Variants in MYBPC2 observed in about 807,000 individuals in gnomAD.
MYBPC2 encodes myosin-binding protein C, fast-type.
Under a neutral mutation model 137.0 loss-of-function variants are expected in MYBPC2, and 122 were observed. That is an observed-to-expected ratio of 0.89 (90% confidence interval 0.77 to 1.03). The LOEUF (loss-of-function observed/expected upper bound fraction) is 1.03, where lower values mean the gene tolerates loss of function less well. MYBPC2 is among the 50% of genes least tolerant of loss of function. The pLI is 0.00. For missense variants in MYBPC2, 1,500 were observed against 1,534.4 expected (o/e 0.98, Z 0.37); for synonymous variants, 626 against 612.3 (o/e 1.02, Z -0.33).
chr19:50,436,500 GC>G, intron 4 of MYBPC2, 116 bp from the exon 5 acceptor site: 2 of 926,940 alleles, frequency 2.2e-6, no homozygotes, highest in East Asian at 2.6e-5. Flanking sequence ...GTCTCCATTG[GC>G]CCCCCTGTGG....
At chr19:50,459,936 A>C (rs2122616804) in intron 23 of MYBPC2, 104 bp from the exon 24 acceptor site, 2 of 1,469,964 alleles carry the variant, frequency 1.4e-6, no homozygotes, top group Non-Finnish European at 1.8e-6. Flanking sequence ...ATGGGGCATA[A>C]GAGAGGTTAG....
chr19:50,461,005 ATTT>A (rs112521100), intron 24 of MYBPC2, among the ~76,000 whole-genome samples: 1 of 127,866 alleles, frequency 7.8e-6, no homozygotes, highest in Non-Finnish European at 1.7e-5. Flanking sequence ...TTTCTTTTAA[ATTT>A]TTTTTTTTTT....
chr19:50,439,683 T>C (rs1015493486), intron 7 of MYBPC2, among the ~76,000 whole-genome samples: 1 of 152,190 alleles, frequency 6.6e-6, no homozygotes, highest in African/African-American at 2.4e-5. Flanking sequence ...TACTAGGTCC[T>C]GGGCTGAGAT....
At position 50,435,483 on chromosome 19, in the gene MYBPC2, G is replaced by T. The variant is rs529885499; in HGVS notation, c.109+233G>T. On this transcript the variant is annotated intron_variant, in intron 2 of 27. Transcript: ENST00000357701. This position sits in a 1 kb window ranked among gnomAD's most constrained non-coding sequence, Gnocchi z 4.8. ...GGTCAGCTGGCTGATTGATCACCAG[G>T]TCCGGCCCCGGTCTCTCTAAACCTC... Among the ~76,000 whole-genome samples the T allele has an allele frequency of 6.6e-6, 1 of 152,274 alleles. No homozygotes were observed. Among genetic ancestry groups the T allele is most frequent in the East Asian group, 1.9e-4 (1 of 5,178 alleles).
At chr19:50,441,622 C>T (rs938713896) in intron 8 of MYBPC2, among the ~76,000 whole-genome samples, 1 of 152,022 alleles carries the variant, frequency 6.6e-6, no homozygotes, top group African/African-American at 2.4e-5. Context: ...CGCAGATCAC[C>T]TGACGTCAGG....
At chr19:50,459,379 G>A in intron 23 of MYBPC2, 73 bp downstream of exon 23, 1 of 909,816 alleles carries the variant, frequency 1.1e-6, no homozygotes, top group Non-Finnish European at 1.6e-6. Context: ...GGAGGTAAGA[G>A]ATGAGGGGTG....
In MYBPC2 at chr19:50,465,696, T is replaced by G. The variant is rs2040009402; in HGVS notation, c.3416-499T>G. Among the ~76,000 whole-genome samples the G allele has an allele frequency of 6.6e-6, 1 of 152,002 alleles. No homozygotes were observed. The highest frequency in any genetic ancestry group is 2.4e-5 in the African/African-American group (1 of 41,402). On this transcript the variant is annotated intron_variant, in intron 27 of 27. Transcript: ENST00000357701. The surrounding 1 kb of genome is among the most constrained non-coding windows in gnomAD (Gnocchi z 4.5). ...GTCTCTACTAAAAATACAAAAAAAT[T>G]TAGCCGGGCCTGGTGGCACATGCCT...
chr19:50,447,453 G>A (rs2039816211), intron 12 of MYBPC2, among the ~76,000 whole-genome samples: 1 of 152,172 alleles, frequency 6.6e-6, no homozygotes, highest in South Asian at 2.1e-4. Flanking sequence ...TTTAGACTGG[G>A]CATGGTGGCT....
rs772681584 is a variant in MYBPC2 at position 50,455,160 on chromosome 19, C to T, written c.2067C>T (p.Asn689=). ...GCTCTCAGCGCTGGATGAAGCTGAA[C>T]TTTGAGGTCTTCACAGAGACCACCT... The part of the protein sequence containing the change: ...KKGSQRWMKL[N]FEVFTETTYE... The change falls in exon 19 of 28, where the codon AAC becomes AAT. Residue 689 remains asparagine, a synonymous_variant. Coordinates refer to ENST00000357701, the MANE Select transcript of MYBPC2 (RefSeq NM_004533.4). 12 of 1,613,756 alleles carry T rather than the reference C, an allele frequency of 7.4e-6. No individual in the cohort carries two copies. Among genetic ancestry groups the T allele is most frequent in the Non-Finnish European group, 1.0e-5 (12 of 1,179,894 alleles).
chr19:50,459,372 G>C, intron 23 of MYBPC2, 66 bp downstream of exon 23: 25 of 1,488,906 alleles, frequency 1.7e-5, no homozygotes, highest in Non-Finnish European at 2.2e-5. Flanking sequence ...TGGGGGAGGA[G>C]GTAAGAGATG....
intron 11 of MYBPC2, among the ~76,000 whole-genome samples, chr19:50,445,266 G>T (rs10406342): frequency 0.087 from 13,163 of 152,076 alleles, 747 homozygotes; most frequent in African/African-American, 0.15. Flanking sequence ...TGAGACCCCA[G>T]GGCTTCCTCT....
chr19:50,456,459 G>A (rs2039915733), intron 20 of MYBPC2, among the ~76,000 whole-genome samples: 1 of 136,166 alleles, frequency 7.3e-6, no homozygotes, highest in Admixed American at 7.9e-5. Flanking sequence ...TTGAGACAGA[G>A]TCTTGCTCTG....
chr19:50,437,868 A>G lies in MYBPC2; in HGVS notation c.572+150A>G, dbSNP rs909390382. 15 of 903,588 alleles carry G rather than the reference A, an allele frequency of 1.7e-5. No individual in the cohort carries two copies. The Admixed American group carries it at 3.1e-4, about 19-fold the overall frequency. 56.0% of individuals were successfully genotyped at this position (903,588 alleles called of 1,614,324 possible). On this transcript the variant is annotated intron_variant, in intron 7 of 27. Transcript: ENST00000357701. ...TCACTCCCTGCCCACCCAGCATCTA[A>G]CACACCAACCCATCAGGCTGCCTGT...
chr19:50,438,821 G>A (rs867846906), intron 7 of MYBPC2, among the ~76,000 whole-genome samples: 19 of 152,000 alleles, frequency 1.3e-4, no homozygotes, highest in Admixed American at 1.1e-3. Flanking sequence ...AGCCATGATC[G>A]CGCCACTGCA....
chr19:50,448,325 C>A lies in MYBPC2; in HGVS notation c.1407C>A (p.Gly469=). ...AGGTGTCTGATGAGAAAGTGACGGGCAAGTGGTATAAGAATGGGGTCGAGG... is the reference window on the plus strand; with the variant it reads ...AGGTGTCTGATGAGAAAGTGACGGGAAAGTGGTATAAGAATGGGGTCGAGG... ...KCEVSDEKVT[G]KWYKNGVEVR... is the part of the protein sequence containing the mutation. The change falls in exon 13 of 28, where the codon GGC becomes GGA. Residue 469 remains glycine (G), a synonymous_variant. Coordinates refer to ENST00000357701, the MANE Select transcript of MYBPC2 (RefSeq NM_004533.4). 2 of 1,613,886 alleles carry A rather than the reference C, an allele frequency of 1.2e-6. No homozygotes were observed. Among genetic ancestry groups the A allele is most frequent in the Non-Finnish European group, 1.7e-6 (2 of 1,179,828 alleles).
Position 50,436,048 on chromosome 19 carries a change from A to T in MYBPC2, c.233A>T (p.Lys78Met). 1.3e-6 allele frequency: 2 copies of T among 1,584,580 alleles called. No homozygotes were observed. The highest frequency in any genetic ancestry group is 2.3e-5 in the South Asian group (2 of 86,548). Residue 78 changes from lysine to methionine, a missense_variant, in exon 4 of 28, where the codon AAG becomes ATG. Physicochemically the swap from Lys to Met is moderately conservative, Grantham distance 95 (BLOSUM62 -1). Coordinates refer to ENST00000357701, the MANE Select transcript of MYBPC2 (RefSeq NM_004533.4). ...DAVVVAKVNG[K>M]ELPDKPTIKW... ...GTGGTCGTGGCCAAGGTGAACGGGA[A>T]GGAGCTCCCAGACAAACCGACCATC...
rs1047114163 is a variant in MYBPC2, at chr19:50,465,175, A to G, written c.3415+643A>G. The stretch of plus-strand genomic sequence containing the variant: ...GATCCCAGCCCGCTGGGGACTCCCC[A>G]CCGCCCCAGCGCCCCTCCGCCTGGT... On this transcript the variant is annotated intron_variant, in intron 27 of 27. Transcript: ENST00000357701. The surrounding 1 kb of genome is among the most constrained non-coding windows in gnomAD (Gnocchi z 4.5). Among the ~76,000 whole-genome samples, 1 of 145,120 alleles carries G rather than the reference A, an allele frequency of 6.9e-6. No homozygotes were observed. Among genetic ancestry groups the G allele is most frequent in the Non-Finnish European group, 1.5e-5 (1 of 65,990 alleles).
chr19:50,451,923 G>A lies in MYBPC2; in HGVS notation c.1669G>A (p.Val557Met), dbSNP rs1385800713. ...GACCTCAGAGAATGCGATTGTGGTT[G>A]TGGCTGGAAACAAGCTGAGGCTTGA... ...GKTSENAIVV[V>M]AGNKLRLDVS... Residue 557 changes from valine to methionine, a missense_variant, in exon 16 of 28, where the codon GTG (valine) becomes ATG (methionine). Coordinates refer to ENST00000357701, the MANE Select transcript of MYBPC2 (RefSeq NM_004533.4). 7 of 1,579,738 alleles carry A rather than the reference G, an allele frequency of 4.4e-6. No individual in the cohort carries two copies. The highest frequency in any genetic ancestry group is 8.6e-7 in the Non-Finnish European group (1 of 1,162,242).
chr19:50,443,461 A>C, intron 9 of MYBPC2, 33 bp from the exon 10 acceptor site: 1 of 1,607,788 alleles, frequency 6.2e-7, no homozygotes, highest in Non-Finnish European at 8.5e-7. Flanking sequence ...TGGATGCTCC[A>C]CGCCCTGGTT....
Sources: gnomAD v4.1 joint callset for allele counts (sites outside exome capture counted in the v4.1 genomes callset) on GRCh38, gnomAD v4.1.1 for gene constraint, Gnocchi (gnomAD v3.1) non-coding constraint, MANE v1.5 for transcripts, NCBI Gene and HGNC (gene_info 2026-07-23, HGNC 2026-07-21) for gene names.